The following SYNDIG1 variants were observed in gnomAD, a reference collection of about 807,000 sequenced individuals.
The protein encoded by SYNDIG1 is synapse differentiation inducing 1, also known as synapse differentiation-inducing gene protein 1.
Under a neutral mutation model 19.4 loss-of-function variants are expected in SYNDIG1, and 9 were observed. That is an observed-to-expected ratio of 0.46 (90% CI 0.28 to 0.81). The LOEUF (loss-of-function observed/expected upper bound fraction) is 0.81, where lower values mean the gene tolerates loss of function less well. Ranked by LOEUF, SYNDIG1 falls within the 30% of genes least tolerant of loss-of-function variation. The pLI is 0.12. For missense variants in SYNDIG1, 311 were observed against 343.3 expected, an observed-to-expected ratio of 0.91 and a Z score of 0.74; for synonymous variants, 141 against 145.9, an observed-to-expected ratio of 0.97 and a Z score of 0.24.
At chr20:24,478,367 C>A (rs530882905) in intron 1 of SYNDIG1, among the ~76,000 whole-genome samples, 20 of 152,298 alleles carry the variant, frequency 1.3e-4, no homozygotes, top group African/African-American at 4.8e-4. Context: ...ACTCCCTCGG[C>A]GAGCTCCCCA....
rs544702424 is a variant in SYNDIG1 at position 24,471,580 on chromosome 20, C to G, written c.-79+1827C>G. ...CCATTTCCTGCCTGAAAACGGAATCCTCATAATCAAGAGGGCCTTGTTAAA... is the reference window on the plus strand; with the variant it reads ...CCATTTCCTGCCTGAAAACGGAATCGTCATAATCAAGAGGGCCTTGTTAAA... On this transcript the variant is annotated intron_variant, in intron 1 of 3. Transcript: ENST00000376862. Among the ~76,000 whole-genome samples, 21 of 145,284 alleles carry G rather than the reference C, an allele frequency of 1.4e-4. 1 individual carries two copies. The South Asian group carries it at 4.5e-3, about 31-fold the overall frequency.
chr20:24,582,081 C>A (rs2058334672), intron 2 of SYNDIG1, among the ~76,000 whole-genome samples: 1 of 129,768 alleles, frequency 7.7e-6, no homozygotes, highest in Non-Finnish European at 1.6e-5. Flanking sequence ...CTCCCCCCTG[C>A]ATGGCCTTCC....
At chr20:24,509,447 G>T (rs1001175721) in intron 1 of SYNDIG1, among the ~76,000 whole-genome samples, 3 of 152,108 alleles carry the variant, frequency 2.0e-5, no homozygotes, top group Admixed American at 6.6e-5. Context: ...TTATGCTATT[G>T]TTCTGTATTT....
chr20:24,582,557 C>T (rs1022103139), intron 2 of SYNDIG1, among the ~76,000 whole-genome samples: 3 of 151,286 alleles, frequency 2.0e-5, no homozygotes, highest in South Asian at 2.1e-4. Flanking sequence ...TCCTTCCCAC[C>T]GCACGTCCTT....
chr20:24,555,877 G>A (rs1228022611), intron 2 of SYNDIG1, among the ~76,000 whole-genome samples: 30 of 152,148 alleles, frequency 2.0e-4, no homozygotes, highest in Middle Eastern at 3.4e-3. Flanking sequence ...TTTCTGTCTC[G>A]TTGATCTGTC....
intron 3 of SYNDIG1, among the ~76,000 whole-genome samples, chr20:24,637,054 G>T (rs931474780): frequency 6.6e-6 from 1 of 152,236 alleles, no homozygotes; most frequent in African/African-American, 2.4e-5. Context: ...GGGGGATCCT[G>T]CAAGGCAGTT....
chr20:24,591,943 T>C (rs540458985), intron 3 of SYNDIG1, among the ~76,000 whole-genome samples: 3 of 152,328 alleles, frequency 2.0e-5, no homozygotes, highest in Non-Finnish European at 2.9e-5. Context: ...GGAAGAACTA[T>C]AGAAGTCTGA....
At chr20:24,642,334 T>A (rs2059386672) in intron 3 of SYNDIG1, among the ~76,000 whole-genome samples, 1 of 152,168 alleles carries the variant, frequency 6.6e-6, no homozygotes, top group South Asian at 2.1e-4. Flanking sequence ...CTTGTTGCTG[T>A]TGATGTCAAG....
intron 3 of SYNDIG1, among the ~76,000 whole-genome samples, chr20:24,619,224 T>A (rs749807831): frequency 1.3e-5 from 2 of 152,352 alleles, no homozygotes; most frequent in Non-Finnish European, 2.9e-5. Context: ...CAAACTTGAC[T>A]AGTGTTACAC....
chr20:24,616,115 A>G (rs1448508605), intron 3 of SYNDIG1, among the ~76,000 whole-genome samples: 2 of 152,128 alleles, frequency 1.3e-5, no homozygotes, highest in Non-Finnish European at 2.9e-5. Context: ...TGCAAACCCA[A>G]ATGTTAGTTA....
At chr20:24,532,804 G>C (rs1182944875) in intron 1 of SYNDIG1, among the ~76,000 whole-genome samples, 1 of 152,138 alleles carries the variant, frequency 6.6e-6, no homozygotes, top group Non-Finnish European at 1.5e-5. Flanking sequence ...GTAAGACTTG[G>C]AGTCAGAAAC....
intron 2 of SYNDIG1, among the ~76,000 whole-genome samples, chr20:24,551,624 G>A (rs2146799217): frequency 6.6e-6 from 1 of 151,808 alleles, no homozygotes; most frequent in South Asian, 2.1e-4. Context: ...GTATATTCAA[G>A]GCTATCACTT....
intron 3 of SYNDIG1, among the ~76,000 whole-genome samples, chr20:24,659,729 T>C (rs907839896): frequency 2.6e-5 from 4 of 152,244 alleles, no homozygotes; most frequent in Admixed American, 1.3e-4. Flanking sequence ...TGACAGGTGC[T>C]GCCTTGTCAA....
chr20:24,494,231 T>C (rs1226279758), intron 1 of SYNDIG1, among the ~76,000 whole-genome samples: 2 of 152,044 alleles, frequency 1.3e-5, no homozygotes, highest in African/African-American at 4.8e-5. Flanking sequence ...GTGTGGGACT[T>C]GTGGTGTAAG....
intron 1 of SYNDIG1, among the ~76,000 whole-genome samples, chr20:24,538,773 G>T (rs61184558): frequency 0.041 from 6,140 of 148,654 alleles, 376 homozygotes; most frequent in African/African-American, 0.14. Context: ...GTTATTTTCC[G>T]TTTTTTTTTT....
rs2058868687 is a variant in SYNDIG1 at position 24,612,688 on chromosome 20, A to G, written c.618+27695A>G. Among the ~76,000 whole-genome samples, 4 of 152,362 alleles carry G rather than the reference A, an allele frequency of 2.6e-5. No homozygotes were observed. In the South Asian group the frequency reaches 8.3e-4, roughly 32 times the overall value. ...CCCCTCAGTCCTAGCATAGAATTAT[A>G]ATAGCTCTTCATCTTCAAAAAGTGT... is the stretch of plus-strand genomic sequence containing the variant. On this transcript the variant is annotated intron_variant, in intron 3 of 3. Transcript: ENST00000376862.
chr20:24,644,298 G>A (rs2059404528), intron 3 of SYNDIG1, among the ~76,000 whole-genome samples: 1 of 152,210 alleles, frequency 6.6e-6, no homozygotes, highest in African/African-American at 2.4e-5. Context: ...AAAACATTAT[G>A]TTCACTGTGG....
chr20:24,526,429 A>G (rs548959738), intron 1 of SYNDIG1, among the ~76,000 whole-genome samples: 1 of 152,276 alleles, frequency 6.6e-6, no homozygotes, highest in African/African-American at 2.4e-5. Context: ...TTGCCTATGT[A>G]TATTTAAGTA....
At chr20:24,600,594 C>T (rs2058664329) in intron 3 of SYNDIG1, among the ~76,000 whole-genome samples, 1 of 149,672 alleles carries the variant, frequency 6.7e-6, no homozygotes, top group East Asian at 2.0e-4. Flanking sequence ...TTCATGTCTT[C>T]ATCTTTCTTT....
Sources: gnomAD v4.1 joint callset for allele counts (sites outside exome capture counted in the v4.1 genomes callset) on GRCh38, gnomAD v4.1.1 for gene constraint, MANE v1.5 for transcripts, NCBI Gene and HGNC (gene_info 2026-07-23, HGNC 2026-07-21) for gene names.